Variants in ITIH6 observed in about 807,000 individuals in gnomAD.
The protein encoded by ITIH6 is inter-alpha-trypsin inhibitor heavy chain H6.
A neutral mutation model predicts 58.2 loss-of-function variants in ITIH6; 60 were observed. The observed-to-expected ratio is 1.03, with a 90% confidence interval of 0.84 to 1.28. The LOEUF (loss-of-function observed/expected upper bound fraction) is 1.28, where lower values mean the gene tolerates loss of function less well. Ranked by LOEUF, ITIH6 falls within the 50% of genes most tolerant of loss-of-function variation. The probability of loss-of-function intolerance (pLI) is 0.00; values close to 1 mark genes in which losing one functional copy is unlikely to be tolerated. For missense variants in ITIH6, 1,290 were observed against 1,021.1 expected (o/e 1.26, Z -3.59); for synonymous variants, 493 against 417.4 (o/e 1.18, Z -2.21).
intron 6 of ITIH6, among the ~76,000 whole-genome samples, chrX:54,766,285 T>C (rs1178255430): frequency 2.1e-4 from 21 of 99,366 alleles, no homozygotes; most frequent in Non-Finnish European, 4.2e-4. Flanking sequence ...AAGGAGATTT[T>C]GGGCTGAGAT....
At chrX:54,763,796 C>A (rs1343333544) in intron 6 of ITIH6, among the ~76,000 whole-genome samples, 1 of 112,080 alleles carries the variant, frequency 8.9e-6, no homozygotes, top group Non-Finnish European at 1.9e-5. Context: ...ATAGTGGATT[C>A]ATGTATTTTT....
chrX:54,783,826 G>GA lies in ITIH6; in HGVS notation c.786+4653dup, dbSNP rs897128092. ...CGCAATGACATTCTTCACAGACATTGAAAAAACAATCCTAAAATCTAAATG... is the reference window on the plus strand; with the variant it reads ...CGCAATGACATTCTTCACAGACATTGAAAAAAACAATCCTAAAATCTAAATG... On this transcript the variant is annotated intron_variant, in intron 5 of 12. Transcript: ENST00000218436. Among the ~76,000 whole-genome samples, 14 of 111,748 alleles carry GA rather than the reference G, an allele frequency of 1.3e-4. No individual in the cohort carries two copies. The Admixed American group carries it at 1.3e-3, about 11-fold the overall frequency.
chrX:54,757,850 C>T lies in ITIH6; in HGVS notation c.2224G>A (p.Gly742Ser), dbSNP rs370043675. ...TCAGGATTCTGGTGTGATAGAGAGC[C>T]GGGCTTCAGAGGCAACAGAGTACCA... The part of the protein sequence containing the change: ...NSGTLLPLKP[G>S]SLSHQNPDIL... Residue 742 changes from glycine (G) to serine (S), a missense_variant, in exon 8 of 13, where the codon GGC becomes AGC. Transcript: ENST00000218436. 6 of 1,209,384 alleles carry T rather than the reference C, an allele frequency of 5.0e-6. No homozygotes were observed. Among genetic ancestry groups the T allele is most frequent in the East Asian group, 3.0e-5 (1 of 33,745 alleles).
chrX:54,750,175 G>A (rs1928325427), intron 12 of ITIH6, 69 bp from the exon 13 acceptor site: 1 of 853,936 alleles, frequency 1.2e-6, no homozygotes, highest in South Asian at 2.5e-5. Flanking sequence ...CTGCAAGGAG[G>A]CCCAGCAGGA....
At chrX:54,768,748 G>A (rs1416777325) in intron 6 of ITIH6, among the ~76,000 whole-genome samples, 5 of 102,785 alleles carry the variant, frequency 4.9e-5, no homozygotes, top group Non-Finnish European at 7.8e-5. Flanking sequence ...CGAGAGATCC[G>A]CTGTTAGTCT....
In ITIH6 at chrX:54,757,923, G is replaced by T. The variant is rs775588515; in HGVS notation, c.2151C>A (p.Ala717=). Residue 717 remains alanine (A), a synonymous_variant, in exon 8 of 13, where the codon GCC becomes GCA. Transcript: ENST00000218436. ...TAGGTTTTGTCCTGAGAGTTGGCTG[G>T]GCCAAGGTGCCAGAATCCTGTTGTG... The part of the protein sequence containing the change: ...IPAQQDSGTL[A]QPTLRTKPTI... The T allele has an allele frequency of 3.3e-6, 4 of 1,211,667 alleles. No homozygotes were observed. Among genetic ancestry groups the T allele is most frequent in the Non-Finnish European group, 4.5e-6 (4 of 895,348 alleles).
chrX:54,752,562 G>A (rs1569543798), intron 11 of ITIH6, among the ~76,000 whole-genome samples: 2 of 111,941 alleles, frequency 1.8e-5, no homozygotes, highest in African/African-American at 6.5e-5. Flanking sequence ...AAGAGAACTG[G>A]CAATTAACAA....
intron 11 of ITIH6, 113 bp from the exon 12 acceptor site, chrX:54,751,493 C>A: frequency 1.2e-6 from 1 of 858,046 alleles, no homozygotes; most frequent in Non-Finnish European, 1.6e-6. Flanking sequence ...AGGGCCGACT[C>A]CTGAGAGAAC....
At chrX:54,770,396 CT>C (rs1451716344) in intron 6 of ITIH6, among the ~76,000 whole-genome samples, 1 of 112,868 alleles carries the variant, frequency 8.9e-6, no homozygotes, top group African/African-American at 3.2e-5. Flanking sequence ...GCCATCTTGG[CT>C]CCTCCCCTTA....
chrX:54,788,553 G>C lies in ITIH6; in HGVS notation c.713C>G (p.Ser238Cys). The change falls in exon 5 of 13, where the codon TCT becomes TGT. Residue 238 changes from serine to cysteine, a missense_variant. Ser to Cys is a moderately radical substitution (Grantham distance 112, BLOSUM62 -1). Coordinates refer to ENST00000218436, the MANE Select transcript of ITIH6 (RefSeq NM_198510.3). ...GAAGTCAGCCATGATGCCTGACCCA[G>C]AGATGGACGACTGGTCTTGCAATGT... ...CPTLQDQSSISGSGIMADFLV... is the reference protein window; with the variant it reads ...CPTLQDQSSICGSGIMADFLV... The C allele has an allele frequency of 8.3e-7, 1 of 1,209,882 alleles. No individual in the cohort carries two copies. The highest frequency in any genetic ancestry group is 1.8e-5 in the South Asian group (1 of 56,804).
chrX:54,749,685 G>A lies in ITIH6; in HGVS notation c.*210C>T. On this transcript the variant is annotated 3_prime_UTR_variant, in exon 13 of 13. Coordinates refer to ENST00000218436, the MANE Select transcript of ITIH6 (RefSeq NM_198510.3). The stretch of plus-strand genomic sequence containing the variant: ...GAGAGGGTGAGACTGGAGATGTGAA[G>A]GACCATGAAGATGCAGGAGTCCCTG... 2.6e-6 allele frequency: 1 copy of A among 378,373 alleles called. No homozygotes were observed. Among genetic ancestry groups the A allele is most frequent in the Admixed American group, 4.9e-5 (1 of 20,373 alleles). The allele number at this position is 378,373 out of a possible 1,213,427, so 31.2% of individuals were successfully genotyped here.
chrX:54,766,765 T>C (rs1928798109), intron 6 of ITIH6, among the ~76,000 whole-genome samples: 1 of 101,435 alleles, frequency 9.9e-6, no homozygotes, highest in Non-Finnish European at 1.9e-5. Flanking sequence ...TATAAGCTTT[T>C]TGATGTGCTG....
rs1407743508 is a variant in ITIH6, at chrX:54,751,088, C to T, written c.3645G>A (p.Arg1215=). Residue 1215 remains arginine (R), a synonymous_variant, in exon 12 of 13, where the codon AGG becomes AGA. Coordinates refer to ENST00000218436, the MANE Select transcript of ITIH6 (RefSeq NM_198510.3). ...GGGGTAGTTGCAGGGTACTGGGATG[C>T]CTGTAGCGGTGTCGGAGGACTAGGA... ...LEFLVLRHRY[R]HPSTLQLPHL... 8.3e-7 allele frequency: 1 copy of T among 1,201,811 alleles called. No individual in the cohort carries two copies. The highest frequency in any genetic ancestry group is 1.8e-5 in the African/African-American group (1 of 57,018).
chrX:54,776,385 T>C (rs1929054209), intron 5 of ITIH6, among the ~76,000 whole-genome samples: 1 of 110,212 alleles, frequency 9.1e-6, no homozygotes, highest in African/African-American at 3.3e-5. Flanking sequence ...CTGCAACTCC[T>C]AGTAGGGGCC....
chrX:54,778,947 G>A (rs1223355660), intron 5 of ITIH6, among the ~76,000 whole-genome samples: 4 of 112,498 alleles, frequency 3.6e-5, no homozygotes, highest in Middle Eastern at 4.6e-3. Flanking sequence ...CTTTTCAGTG[G>A]AAACCTTTAA....
intron 1 of ITIH6, 129 bp downstream of exon 1, chrX:54,797,980 T>A (rs1929473969): frequency 2.1e-6 from 1 of 468,758 alleles, no homozygotes; most frequent in African/African-American, 2.5e-5. Context: ...AAATAGTACC[T>A]CTTTTCTCTG....
chrX:54,792,041 T>C lies in ITIH6; in HGVS notation c.258-5A>G. ...TAGACTTTATTGTTGATGGTCCTAATGGGGCAGGAAAGAGGAGGGACAGTA... is the reference window on the plus strand; with the variant it reads ...TAGACTTTATTGTTGATGGTCCTAACGGGGCAGGAAAGAGGAGGGACAGTA... On this transcript the variant is annotated splice_polypyrimidine_tract_variant and splice_region_variant and intron_variant, in intron 2 of 12. Transcript: ENST00000218436. 7.6e-6 allele frequency: 9 copies of C among 1,176,771 alleles called. No individual in the cohort carries two copies. Among genetic ancestry groups the C allele is most frequent in the African/African-American group, 3.5e-5 (2 of 56,991 alleles).
At chrX:54,760,033 T>C (rs1928603267) in intron 6 of ITIH6, 106 bp from the exon 7 acceptor site, 1 of 625,878 alleles carries the variant, frequency 1.6e-6, no homozygotes, top group Admixed American at 3.1e-5. Flanking sequence ...TATATGGTTT[T>C]AAGACTCTCT....
chrX:54,759,805 CT>C lies in ITIH6; in HGVS notation c.1025del (p.Gln342ArgfsTer32). On this transcript the variant is annotated frameshift_variant, in exon 7 of 13. Coordinates refer to ENST00000218436, the MANE Select transcript of ITIH6 (RefSeq NM_198510.3). LOFTEE classifies it high-confidence loss of function. ...GGTAGTCCTTGGCACTGTGGACATT[CT>C]GGATGGTGGCCTGGATTGAGCCTCC... Reference protein sequence around the residue: ...KAGGSIQATIQNVHSAKDYLH... With the variant: ...KAGGSIQATIXNVHSAKDYLH... 1 of 1,211,286 alleles carries C rather than the reference CT, an allele frequency of 8.3e-7. No homozygotes were observed. The highest frequency in any genetic ancestry group is 2.3e-4 in the Middle Eastern group (1 of 4,353).
Sources: gnomAD v4.1 joint callset for allele counts (sites outside exome capture counted in the v4.1 genomes callset) on GRCh38, gnomAD v4.1.1 for gene constraint, MANE v1.5 for transcripts, NCBI Gene and HGNC (gene_info 2026-07-23, HGNC 2026-07-21) for gene names.